EBF1: variants seen among roughly 807,000 people sequenced by gnomAD.
EBF1 encodes the protein EBF transcription factor 1.
In EBF1, 10 loss-of-function variants were observed where a neutral mutation model predicts 68.4. That is an observed-to-expected ratio of 0.15 (90% CI 0.09 to 0.25). The LOEUF is 0.25. Among genes scored for constraint, EBF1 ranks in the 10% least tolerant of loss-of-function variants. The pLI, the probability that EBF1 is intolerant of heterozygous loss-of-function variation, is 1.00. For missense variants in EBF1, 509 were observed against 794.4 expected (o/e 0.64, Z 4.32); for synonymous variants, 298 against 299.8 (o/e 0.99, Z 0.06).
At chr5:158,893,572 T>C (rs1801604393) in intron 6 of EBF1, among the ~76,000 whole-genome samples, 1 of 152,200 alleles carries the variant, frequency 6.6e-6, no homozygotes, top group African/African-American at 2.4e-5. Flanking sequence ...TTGCTTTTAA[T>C]ATGTCTTTAG....
chr5:159,014,419 T>A (rs975075413), intron 6 of EBF1, among the ~76,000 whole-genome samples: 1 of 152,232 alleles, frequency 6.6e-6, no homozygotes, highest in Non-Finnish European at 1.5e-5. Flanking sequence ...GACATTATGC[T>A]AAATGCTTTC....
At chr5:158,826,805 C>T (rs1322728863) in intron 7 of EBF1, among the ~76,000 whole-genome samples, 1 of 152,148 alleles carries the variant, frequency 6.6e-6, no homozygotes, top group African/African-American at 2.4e-5. Context: ...GGATATTTTA[C>T]ACTGATGTTT....
chr5:158,955,068 TA>T (rs776627303), intron 6 of EBF1, among the ~76,000 whole-genome samples: 21 of 152,176 alleles, frequency 1.4e-4, no homozygotes, highest in Non-Finnish European at 2.8e-4. Context: ...CTCACGCCTG[TA>T]ATCCCAGCAC....
intron 6 of EBF1, among the ~76,000 whole-genome samples, chr5:159,061,249 A>G (rs1455340770): frequency 6.6e-6 from 1 of 152,152 alleles, no homozygotes; most frequent in African/African-American, 2.4e-5. Context: ...CTTTGTGTAC[A>G]AAGTGGCTCC....
At chr5:159,029,885 A>G (rs1028448644) in intron 6 of EBF1, among the ~76,000 whole-genome samples, 8 of 151,840 alleles carry the variant, frequency 5.3e-5, no homozygotes, top group Non-Finnish European at 1.2e-4. Context: ...TGAATCTGGG[A>G]GGCAGAGGTT....
intron 15 of EBF1, among the ~76,000 whole-genome samples, chr5:158,705,934 G>T: frequency 6.6e-6 from 1 of 152,218 alleles, no homozygotes; most frequent in South Asian, 2.1e-4. Flanking sequence ...TCTATGTTTA[G>T]CAAGGGCTGA....
chr5:158,833,844 G>A (rs894251751), intron 7 of EBF1, among the ~76,000 whole-genome samples: 1 of 152,154 alleles, frequency 6.6e-6, no homozygotes, highest in Non-Finnish European at 1.5e-5. Context: ...ATCATCCCAA[G>A]AAGAATATAA....
chr5:159,013,617 G>A (rs931767230), intron 6 of EBF1, among the ~76,000 whole-genome samples: 14 of 152,184 alleles, frequency 9.2e-5, no homozygotes, highest in Non-Finnish European at 1.8e-4. Context: ...AGGCTGGTGA[G>A]GCAGAAGATC....
intron 6 of EBF1, among the ~76,000 whole-genome samples, chr5:158,874,694 G>A (rs1335939873): frequency 1.3e-5 from 2 of 151,982 alleles, no homozygotes; most frequent in Non-Finnish European, 2.9e-5. Context: ...CTTGATTTCT[G>A]CAAGACTCGG....
chr5:158,731,784 T>C (rs555784647), intron 10 of EBF1, among the ~76,000 whole-genome samples: 281 of 152,284 alleles, frequency 1.8e-3, no homozygotes, highest in African/African-American at 6.5e-3. Flanking sequence ...CCAACATTGA[T>C]ATTATTTGGG....
intron 6 of EBF1, among the ~76,000 whole-genome samples, chr5:159,022,918 T>TA (rs965290826): frequency 6.6e-5 from 10 of 152,140 alleles, no homozygotes; most frequent in Non-Finnish European, 1.0e-4. Context: ...ATTTGACTTT[T>TA]AAAAAAATAT....
At chr5:158,930,051 T>A (rs1361188679) in intron 6 of EBF1, among the ~76,000 whole-genome samples, 1 of 152,242 alleles carries the variant, frequency 6.6e-6, no homozygotes, top group African/African-American at 2.4e-5. Context: ...AATGTGTTTA[T>A]TCTATAATGT....
chr5:158,928,740 T>C (rs1810225502), intron 6 of EBF1, among the ~76,000 whole-genome samples: 1 of 152,200 alleles, frequency 6.6e-6, no homozygotes, highest in African/African-American at 2.4e-5. Context: ...TAAGTTTTCA[T>C]TTCGTTTAAA....
intron 6 of EBF1, among the ~76,000 whole-genome samples, chr5:159,035,828 T>C (rs1009801190): frequency 6.6e-6 from 1 of 152,244 alleles, no homozygotes; most frequent in Non-Finnish European, 1.5e-5. Context: ...CCCAGGGTCA[T>C]GCATGCACAA....
chr5:158,965,163 C>T (rs1195623270), intron 6 of EBF1, among the ~76,000 whole-genome samples: 1 of 152,116 alleles, frequency 6.6e-6, no homozygotes, highest in Non-Finnish European at 1.5e-5. Flanking sequence ...AATAAAAGAG[C>T]TTCAAGGTTC....
intron 6 of EBF1, among the ~76,000 whole-genome samples, chr5:158,974,664 A>G (rs1315812484): frequency 2.6e-5 from 4 of 152,230 alleles, no homozygotes; most frequent in Non-Finnish European, 4.4e-5. Flanking sequence ...TATTATAAAA[A>G]TGTTTTAAAA....
intron 6 of EBF1, among the ~76,000 whole-genome samples, chr5:159,022,852 A>G (rs1196829372): frequency 6.6e-6 from 1 of 152,184 alleles, no homozygotes; most frequent in Non-Finnish European, 1.5e-5. Context: ...ATGCAAGAAG[A>G]GCCTTCAATG....
chr5:158,844,690 A>G (rs1791076615), intron 6 of EBF1, among the ~76,000 whole-genome samples: 2 of 152,230 alleles, frequency 1.3e-5, no homozygotes, highest in Admixed American at 6.5e-5. Flanking sequence ...TCTCAAGCCA[A>G]TCCTGTAAGA....
At position 158,698,243 on chromosome 5, in the gene EBF1, T is replaced by C. The variant is rs527725969; in HGVS notation, c.*868A>G. On this transcript the variant is annotated 3_prime_UTR_variant, in exon 16 of 16. Transcript: ENST00000313708. ...TGTGCCTGGACCCTGTTCCATGAAG[T>C]CTCAAAGGAGATTCTCACACAGTAT... 4.5e-6 allele frequency: 1 copy of C among 220,800 alleles called. No individual in the cohort carries two copies. The highest frequency in any genetic ancestry group is 9.1e-6 in the Non-Finnish European group (1 of 110,166). 13.7% of individuals were successfully genotyped at this position (220,800 alleles called of 1,614,324 possible).
Sources: gnomAD v4.1 joint callset for allele counts (sites outside exome capture counted in the v4.1 genomes callset) on GRCh38, gnomAD v4.1.1 for gene constraint, MANE v1.5 for transcripts, NCBI Gene and HGNC (gene_info 2026-07-23, HGNC 2026-07-21) for gene names.